Variants in SGCD observed in about 807,000 individuals in gnomAD.
The protein encoded by SGCD is delta-sarcoglycan.
SGCD carries 18 observed loss-of-function variants against 36.6 expected under a neutral mutation model. The observed-to-expected ratio is 0.49, with a 90% CI of 0.34 to 0.73. The LOEUF is 0.73. SGCD is among the 30% of genes least tolerant of loss of function. The pLI is 0.01. For missense variants in SGCD, 387 were observed against 346.7 expected, an observed-to-expected ratio of 1.12 and a Z score of -0.92; for synonymous variants, 133 against 130.6, an observed-to-expected ratio of 1.02 and a Z score of -0.12.
intron 1 of SGCD, among the ~76,000 whole-genome samples, chr5:155,889,340 T>C (rs1756073923): frequency 6.6e-6 from 1 of 152,144 alleles, no homozygotes; most frequent in African/African-American, 2.4e-5. Flanking sequence ...TGGTTATATG[T>C]TTTTTTAAAA....
At chr5:156,233,933 T>A (rs1025539806) in intron 3 of SGCD, among the ~76,000 whole-genome samples, 3 of 152,208 alleles carry the variant, frequency 2.0e-5, no homozygotes, top group Non-Finnish European at 4.4e-5. Flanking sequence ...AGAAATGTGT[T>A]GTTTTTTCTC....
At chr5:156,736,141 G>A (rs776451932) in intron 7 of SGCD, among the ~76,000 whole-genome samples, 40 of 152,110 alleles carry the variant, frequency 2.6e-4, no homozygotes, top group Admixed American at 5.2e-4. Context: ...ATTAGTCCCA[G>A]TGTTGACTGT....
intron 7 of SGCD, among the ~76,000 whole-genome samples, chr5:156,691,262 A>C (rs1754101436): frequency 6.6e-6 from 1 of 151,584 alleles, no homozygotes; most frequent in Non-Finnish European, 1.5e-5. Context: ...GACAAACTAG[A>C]ACTGCATTGT....
At position 156,369,504 on chromosome 5, in the gene SGCD, T is replaced by A. The variant is rs903292960; in HGVS notation, c.192+24827T>A. On this transcript the variant is annotated intron_variant, in intron 3 of 8. Coordinates refer to ENST00000337851, the MANE Select transcript of SGCD (RefSeq NM_000337.6). Reference sequence around the variant, plus strand: ...AGTGTATTATTAGACCTGCAGGGCGTTGAATATGTTTTGGTTGCTGTTAAT... The same window carrying A: ...AGTGTATTATTAGACCTGCAGGGCGATGAATATGTTTTGGTTGCTGTTAAT... Among the ~76,000 whole-genome samples, 5 of 152,270 alleles carry A rather than the reference T, an allele frequency of 3.3e-5. No individual in the cohort carries two copies. In the East Asian group the frequency reaches 7.7e-4, roughly 24 times the overall value.
chr5:156,175,430 A>G (rs988315752), intron 3 of SGCD, among the ~76,000 whole-genome samples: 3 of 152,092 alleles, frequency 2.0e-5, no homozygotes, highest in African/African-American at 7.2e-5. Flanking sequence ...ATATTCGTGT[A>G]CCTTAACATT....
intron 1 of SGCD, among the ~76,000 whole-genome samples, chr5:155,980,437 A>G (rs1758202412): frequency 6.6e-6 from 1 of 151,560 alleles, no homozygotes; most frequent in Non-Finnish European, 1.5e-5. Flanking sequence ...TACAAAACAA[A>G]TGTAGCCAGG....
At chr5:156,036,367 G>A (rs957478363) in intron 1 of SGCD, among the ~76,000 whole-genome samples, 5 of 152,162 alleles carry the variant, frequency 3.3e-5, no homozygotes, top group African/African-American at 1.2e-4. Flanking sequence ...AAAATCATCA[G>A]CAGAAAGAAA....
chr5:156,052,774 T>C (rs1379027718), intron 1 of SGCD, among the ~76,000 whole-genome samples: 2 of 146,242 alleles, frequency 1.4e-5, no homozygotes, highest in Non-Finnish European at 3.1e-5. Flanking sequence ...TCCATGTCTC[T>C]CTTGCCATCT....
chr5:156,525,778 C>G (rs972815330), intron 4 of SGCD, among the ~76,000 whole-genome samples: 1 of 152,040 alleles, frequency 6.6e-6, no homozygotes, highest in Non-Finnish European at 1.5e-5. Context: ...AATAAGGATT[C>G]AATTTCATTT....
At chr5:156,625,687 T>C (rs1762414056) in intron 6 of SGCD, among the ~76,000 whole-genome samples, 1 of 152,240 alleles carries the variant, frequency 6.6e-6, no homozygotes, top group African/African-American at 2.4e-5. Flanking sequence ...CCTAATGTCC[T>C]AATGTAAGTG....
chr5:156,581,413 A>G (rs1334109650), intron 4 of SGCD, among the ~76,000 whole-genome samples: 1 of 152,186 alleles, frequency 6.6e-6, no homozygotes, highest in South Asian at 2.1e-4. Context: ...CCATTCTCCA[A>G]GCCCAAACGC....
chr5:156,144,439 G>A (rs902164963), intron 3 of SGCD, among the ~76,000 whole-genome samples: 3 of 152,200 alleles, frequency 2.0e-5, no homozygotes, highest in Non-Finnish European at 4.4e-5. Context: ...TCTAACTGGT[G>A]TGAGATGGTA....
At chr5:156,090,837 G>T (rs544957176) in intron 1 of SGCD, among the ~76,000 whole-genome samples, 320 of 152,274 alleles carry the variant, frequency 2.1e-3, no homozygotes, top group Non-Finnish European at 2.6e-3. Context: ...GCTGGGAAAA[G>T]AATTCAGTGA....
chr5:156,581,241 G>C (rs1293952904), intron 4 of SGCD, among the ~76,000 whole-genome samples: 1 of 152,210 alleles, frequency 6.6e-6, no homozygotes, highest in Non-Finnish European at 1.5e-5. Flanking sequence ...CTGCAGAACA[G>C]CAAATATTGC....
At position 155,939,644 on chromosome 5, in the gene SGCD, CAA is replaced by C. The variant is rs70981990; in HGVS notation, c.-282+69234_-282+69235del. Among the ~76,000 whole-genome samples, 150 of 127,016 alleles carry C rather than the reference CAA, an allele frequency of 1.2e-3. 1 individual carries two copies. The highest frequency in any genetic ancestry group is 3.2e-3 in the African/African-American group (108 of 33,934). The allele number at this position is 127,016 out of a possible 152,430, so 83.3% of individuals were successfully genotyped here. A position where few individuals can be genotyped will look rare whatever the true frequency, so the allele number is the denominator to read the frequency against. On this transcript the variant is annotated intron_variant, in intron 1 of 9. Transcript: ENST00000517913. ...TGGGTGACAGAGAGAGACTCTCTCT[CAA>C]AAAAAAAAAAAAATAATAATAATGA...
chr5:156,338,061 C>A (rs1227548562), intron 2 of SGCD, among the ~76,000 whole-genome samples: 8 of 152,090 alleles, frequency 5.3e-5, no homozygotes, highest in African/African-American at 1.7e-4. Flanking sequence ...CTCAGCTCTG[C>A]CTTATGGTAG....
chr5:156,743,108 CTTTTTTTTT>C (rs56296250), intron 7 of SGCD, among the ~76,000 whole-genome samples: 1 of 110,372 alleles, frequency 9.1e-6, no homozygotes, highest in Non-Finnish European at 1.8e-5. Context: ...CTTCCTACAT[CTTTTTTTTT>C]TTTTTTTTTT....
At chr5:156,038,053 T>C (rs1238628275) in intron 1 of SGCD, among the ~76,000 whole-genome samples, 1 of 152,132 alleles carries the variant, frequency 6.6e-6, no homozygotes, top group Non-Finnish European at 1.5e-5. Flanking sequence ...ATATCTGATA[T>C]GTGGATTATT....
chr5:156,276,528 T>C (rs1041526974), intron 3 of SGCD, among the ~76,000 whole-genome samples: 2 of 152,132 alleles, frequency 1.3e-5, no homozygotes, highest in Non-Finnish European at 2.9e-5. Context: ...TTCCTCAGAT[T>C]CCCATGTACG....
Sources: gnomAD v4.1 joint callset for allele counts (sites outside exome capture counted in the v4.1 genomes callset) on GRCh38, gnomAD v4.1.1 for gene constraint, MANE v1.5 for transcripts, NCBI Gene and HGNC (gene_info 2026-07-23, HGNC 2026-07-21) for gene names.